The following STIM1 variants were observed in gnomAD, a reference collection of about 807,000 sequenced individuals.
The protein encoded by STIM1 is stromal interaction molecule 1.
A neutral mutation model predicts 74.7 loss-of-function variants in STIM1; 25 were observed. The ratio of observed to expected loss-of-function variants is 0.33; its 90% CI spans 0.24 to 0.47. The LOEUF (loss-of-function observed/expected upper bound fraction) is 0.47. Among genes scored for constraint, STIM1 ranks in the 20% least tolerant of loss-of-function variants. The pLI is 1.00. For synonymous variants in STIM1, 328 were observed against 348.8 expected (o/e 0.94, Z 0.66); for missense variants, 728 against 920.8 (o/e 0.79, Z 2.71).
chr11:3,856,952 C>T (rs1380430580), intron 1 of STIM1, among the ~76,000 whole-genome samples: 4 of 152,106 alleles, frequency 2.6e-5, no homozygotes, highest in African/African-American at 9.7e-5. Flanking sequence ...TTGAAATATC[C>T]AGGCGGTTTC....
intron 3 of STIM1, among the ~76,000 whole-genome samples, chr11:4,030,825 T>C (rs925675504): frequency 4.6e-5 from 7 of 152,240 alleles, no homozygotes; most frequent in African/African-American, 1.4e-4. Flanking sequence ...CCGAGGGTTC[T>C]ACCTGTTTAA....
intron 1 of STIM1, among the ~76,000 whole-genome samples, chr11:3,916,287 G>GT (rs1188407528): frequency 2.2e-3 from 324 of 144,536 alleles, no homozygotes; most frequent in East Asian, 4.7e-3. Context: ...AGTCAGTAAT[G>GT]TTTTTTTTTT....
At chr11:4,028,929 T>G (rs2094023021) in intron 3 of STIM1, among the ~76,000 whole-genome samples, 1 of 152,010 alleles carries the variant, frequency 6.6e-6, no homozygotes, top group African/African-American at 2.4e-5. Context: ...GGCTCACGCC[T>G]GTAATCCCAG....
intron 7 of STIM1, 29 bp downstream of exon 7, chr11:4,074,708 C>T (rs1349105082): frequency 2.6e-6 from 4 of 1,551,268 alleles, no homozygotes; most frequent in African/African-American, 2.7e-5. Flanking sequence ...TCCTGGACAC[C>T]TTGACGGGTG....
At chr11:3,992,081 G>GTTTTTTTT (rs1554963559) in intron 2 of STIM1, among the ~76,000 whole-genome samples, 6 of 91,980 alleles carry the variant, frequency 6.5e-5, no homozygotes, top group African/African-American at 2.3e-4. Flanking sequence ...GCCAACATCT[G>GTTTTTTTT]TTTTTTTGTT....
rs141623520 is a variant in STIM1 at position 3,941,673 on chromosome 11, T to TATAGAGAG, written c.140-25878_140-25877insTAGAGAGA. On this transcript the variant is annotated intron_variant, in intron 1 of 12. Transcript: ENST00000526596. ...GTATACATATATATATATATATATA[T>TATAGAGAG]AGAGAGAGAGAGAGAGAGAGAGAGT... Among the ~76,000 whole-genome samples, 671 of 90,666 alleles carry TATAGAGAG rather than the reference T, an allele frequency of 7.4e-3. 5 individuals carry two copies. The highest frequency in any genetic ancestry group is 0.017 in the African/African-American group (472 of 27,078). 59.5% of individuals were successfully genotyped at this position (90,666 alleles called of 152,430 possible). A position where few individuals can be genotyped will look rare whatever the true frequency, so the allele number is the denominator to read the frequency against.
intron 3 of STIM1, among the ~76,000 whole-genome samples, chr11:4,029,231 CAGTA>C (rs1360812360): frequency 2.0e-5 from 3 of 151,976 alleles, no homozygotes; most frequent in African/African-American, 7.2e-5. Context: ...GTAAACATTA[CAGTA>C]AGTAAGTTCA....
intron 1 of STIM1, among the ~76,000 whole-genome samples, chr11:3,966,436 A>G (rs2093341351): frequency 6.6e-6 from 1 of 152,160 alleles, no homozygotes; most frequent in African/African-American, 2.4e-5. Context: ...GGATTAGGGT[A>G]TTTTAGGTCT....
chr11:3,899,804 T>C (rs1296379178), intron 1 of STIM1, among the ~76,000 whole-genome samples: 1 of 151,256 alleles, frequency 6.6e-6, no homozygotes, highest in Non-Finnish European at 1.5e-5. Context: ...GCTCTGTTTA[T>C]ATGCTGGATT....
At chr11:4,061,345 A>G (rs1366920668) in intron 5 of STIM1, among the ~76,000 whole-genome samples, 1 of 152,188 alleles carries the variant, frequency 6.6e-6, no homozygotes, top group African/African-American at 2.4e-5. Flanking sequence ...CATGTAGCCC[A>G]TGTGCTGCAT....
chr11:3,994,845 A>G (rs374497495), intron 2 of STIM1, among the ~76,000 whole-genome samples: 1 of 151,456 alleles, frequency 6.6e-6, no homozygotes, highest in African/African-American at 2.4e-5. Flanking sequence ...CTTTTTCTCT[A>G]TGTTTTTAGG....
At chr11:3,858,246 TG>T (rs1158702137) in intron 1 of STIM1, among the ~76,000 whole-genome samples, 119 of 127,654 alleles carry the variant, frequency 9.3e-4, no homozygotes, top group African/African-American at 2.9e-3. Flanking sequence ...TTTTTTTTTT[TG>T]TTTTTTGTTT....
intron 2 of STIM1, among the ~76,000 whole-genome samples, chr11:4,002,264 C>G (rs1355821074): frequency 6.6e-6 from 1 of 150,812 alleles, no homozygotes; most frequent in African/African-American, 2.4e-5. Flanking sequence ...AACTCTCCAC[C>G]CCAAATCAAC....
At chr11:3,981,316 T>C (rs1325354963) in intron 2 of STIM1, among the ~76,000 whole-genome samples, 1 of 152,222 alleles carries the variant, frequency 6.6e-6, no homozygotes, top group East Asian at 1.9e-4. Flanking sequence ...ATGTTTGTCA[T>C]GTTGCTCTGT....
chr11:4,062,699 T>A (rs2094339427), intron 5 of STIM1, among the ~76,000 whole-genome samples: 1 of 152,152 alleles, frequency 6.6e-6, no homozygotes. Context: ...ATGGCCAATA[T>A]ACACCTGAAA....
chr11:3,914,676 G>A (rs1222324890), intron 1 of STIM1, among the ~76,000 whole-genome samples: 1 of 152,226 alleles, frequency 6.6e-6, no homozygotes, highest in Non-Finnish European at 1.5e-5. Context: ...TCCTGACCTC[G>A]TGATCCGCCC....
intron 2 of STIM1, among the ~76,000 whole-genome samples, chr11:3,971,449 A>C (rs1459794251): frequency 6.6e-6 from 1 of 152,200 alleles, no homozygotes; most frequent in African/African-American, 2.4e-5. Context: ...GAATGGCGTG[A>C]GCCTGGGAGG....
rs202226168 is a variant in STIM1, at chr11:4,082,953, T to C, written c.1209T>C (p.Asp403=). ...TFHVAHSSSL[D]DVDHKILTAK... The stretch of plus-strand genomic sequence containing the variant: ...ACGTGGCCCACAGCTCTTCCCTGGA[T>C]GATGTAGATCATAAAATTCTAACAG... The change falls in exon 9 of 13, where the codon GAT becomes GAC. Residue 403 remains aspartate, a synonymous_variant. Coordinates refer to ENST00000526596, the MANE Select transcript of STIM1 (RefSeq NM_001382567.1). 1.9e-6 allele frequency: 3 copies of C among 1,614,054 alleles called. No homozygotes were observed. In the East Asian group the frequency reaches 6.7e-5, roughly 36 times the overall value.
At chr11:3,903,434 A>G (rs1161897814) in intron 1 of STIM1, 1 of 152,248 alleles carries the variant, frequency 6.6e-6, no homozygotes, top group Non-Finnish European at 1.5e-5. Context: ...TGGAAGATGT[A>G]TAAAGGTCTT....
Sources: allele counts gnomAD v4.1 joint callset (sites outside exome capture counted in the v4.1 genomes callset), GRCh38; gene constraint gnomAD v4.1.1; transcripts MANE v1.5; gene names NCBI Gene and HGNC (gene_info 2026-07-23, HGNC 2026-07-21).